NOVA1: variants seen among roughly 807,000 people sequenced by gnomAD.
NOVA1 encodes NOVA alternative splicing regulator 1.
In NOVA1, 7 loss-of-function variants were observed where a neutral mutation model predicts 38.0. That is an observed-to-expected ratio of 0.18 (90% CI 0.10 to 0.35). The LOEUF (loss-of-function observed/expected upper bound fraction) is 0.35. NOVA1 is among the 10% of genes least tolerant of loss of function. NOVA1 has a pLI of 1.00. For synonymous variants in NOVA1, 270 were observed against 232.5 expected (o/e 1.16, Z -1.47); for missense variants, 460 against 616.0 (o/e 0.75, Z 2.68).
chr14:26,498,885 C>T (rs1887036265), intron 2 of NOVA1, among the ~76,000 whole-genome samples: 1 of 152,106 alleles, frequency 6.6e-6, no homozygotes, highest in Non-Finnish European at 1.5e-5. Context: ...CTGCCATTTG[C>T]CACAACTTGG....
intron 4 of NOVA1, 155 bp downstream of exon 4, chr14:26,472,165 A>T: frequency 1.8e-6 from 1 of 547,892 alleles, no homozygotes; most frequent in Non-Finnish European, 3.4e-6. Flanking sequence ...AATTTTAGAA[A>T]TAATTGATAT....
At chr14:26,452,515 A>G (rs1288380318) in intron 4 of NOVA1, among the ~76,000 whole-genome samples, 1 of 152,222 alleles carries the variant, frequency 6.6e-6, no homozygotes, top group African/African-American at 2.4e-5. Flanking sequence ...CATTTACCAA[A>G]GCAAATGTCT....
chr14:26,584,895 T>G (rs949534898), intron 2 of NOVA1, among the ~76,000 whole-genome samples: 3 of 151,456 alleles, frequency 2.0e-5, no homozygotes, highest in African/African-American at 7.3e-5. Flanking sequence ...TCTAAGATTT[T>G]AGGGCATTGT....
At chr14:26,475,599 A>G (rs1436905657) in intron 3 of NOVA1, among the ~76,000 whole-genome samples, 3 of 152,186 alleles carry the variant, frequency 2.0e-5, no homozygotes, top group Non-Finnish European at 4.4e-5. Flanking sequence ...TTCAAACGGA[A>G]AAGCATAATA....
At chr14:26,597,231 ACGGCGAGGGAGGGAGGCAGGGGCGGG>A (rs1284309757) in intron 1 of NOVA1, 44 bp downstream of exon 1, 1 of 967,322 alleles carries the variant, frequency 1.0e-6, no homozygotes, top group Non-Finnish European at 1.2e-6. Flanking sequence ...GGGAGGGAGG[ACGGCGAGGGAGGGAGGCAGGGGCGGG>A]CGGCGGGGGA....
At chr14:26,524,694 C>T (rs183724324) in intron 2 of NOVA1, among the ~76,000 whole-genome samples, 10 of 152,212 alleles carry the variant, frequency 6.6e-5, no homozygotes, top group African/African-American at 2.4e-4. Flanking sequence ...TCTTCCCATG[C>T]AAAATGTGAA....
Position 26,528,164 on chromosome 14 carries a change from T to C in NOVA1, c.281-48021A>G, listed in dbSNP as rs1889435133. ...TTTCTCACACCACTTCCTCACATAC[T>C]GTATCCCTGGAAAATCAGGGTGCTG... On this transcript the variant is annotated intron_variant, in intron 2 of 4. Transcript: ENST00000539517. 3.9e-5 allele frequency among the ~76,000 whole-genome samples: 6 copies of C among 152,178 alleles called. 1 individual carries two copies. The South Asian group carries it at 1.2e-3, about 31-fold the overall frequency.
At chr14:26,491,330 T>C (rs902406981) in intron 2 of NOVA1, among the ~76,000 whole-genome samples, 4 of 152,282 alleles carry the variant, frequency 2.6e-5, no homozygotes, top group African/African-American at 7.2e-5. Context: ...GAGTTGTTTA[T>C]ATATTCTGGA....
Position 26,448,134 on chromosome 14 carries a change from A to G in NOVA1, c.1349T>C (p.Leu450Ser). The G allele has an allele frequency of 6.2e-7, 1 of 1,614,160 alleles. No homozygotes were observed. Among genetic ancestry groups the G allele is most frequent in the Non-Finnish European group, 8.5e-7 (1 of 1,180,016 alleles). The change falls in exon 5 of 5, where the codon TTG (leucine) becomes TCG (serine). Residue 450 changes from leucine (L) to serine (S), a missense_variant. Leu to Ser is a moderately radical substitution (Grantham distance 145). Transcript: ENST00000539517. The surrounding 1 kb of genome is among the most constrained non-coding windows in gnomAD (Gnocchi z 5.3). Reference protein sequence around the residue: ...GGKTLVEYQELTGARIQISKK... With the variant: ...GGKTLVEYQESTGARIQISKK... ...GGAGATCTGTATCCTTGCACCAGTC[A>G]ACTCCTGGTATTCCACTAATGTTTT...
intron 2 of NOVA1, among the ~76,000 whole-genome samples, chr14:26,574,259 C>T (rs1485668666): frequency 1.8e-5 from 2 of 110,982 alleles, no homozygotes; most frequent in African/African-American, 9.2e-5. Context: ...CTCCTGACCT[C>T]GTGATCCACC....
At chr14:26,514,400 T>C (rs1365784671) in intron 2 of NOVA1, among the ~76,000 whole-genome samples, 1 of 151,812 alleles carries the variant, frequency 6.6e-6, no homozygotes, top group African/African-American at 2.4e-5. Context: ...TTAATATGAA[T>C]GTTAATATTT....
At chr14:26,534,350 G>A (rs1190666344) in intron 2 of NOVA1, among the ~76,000 whole-genome samples, 1 of 151,954 alleles carries the variant, frequency 6.6e-6, no homozygotes, top group Non-Finnish European at 1.5e-5. Flanking sequence ...TAAAGAGCAA[G>A]AAACAAATTA....
intron 2 of NOVA1, among the ~76,000 whole-genome samples, chr14:26,573,440 G>A (rs1024606057): frequency 2.6e-5 from 4 of 152,002 alleles, no homozygotes; most frequent in African/African-American, 7.2e-5. Context: ...AAAGGATTTA[G>A]CTTTTGGTAA....
intron 4 of NOVA1, among the ~76,000 whole-genome samples, chr14:26,460,123 GCTTT>G (rs548476351): frequency 1.7e-3 from 259 of 151,830 alleles, no homozygotes; most frequent in African/African-American, 5.6e-3. Flanking sequence ...GCAGTATTTG[GCTTT>G]CTGTTTCTGC....
chr14:26,534,000 G>T (rs749369259), intron 2 of NOVA1, among the ~76,000 whole-genome samples: 1 of 152,134 alleles, frequency 6.6e-6, no homozygotes, highest in Non-Finnish European at 1.5e-5. Flanking sequence ...GAATTTTCAT[G>T]CTACAAAAAG....
chr14:26,460,336 C>T (rs976758407), intron 4 of NOVA1, among the ~76,000 whole-genome samples: 2 of 151,882 alleles, frequency 1.3e-5, no homozygotes, highest in Non-Finnish European at 2.9e-5. Context: ...TACTGAAACA[C>T]ATCTGCCATT....
At chr14:26,531,437 G>A (rs1385709897) in intron 2 of NOVA1, among the ~76,000 whole-genome samples, 3 of 151,966 alleles carry the variant, frequency 2.0e-5, no homozygotes, top group African/African-American at 4.8e-5. Context: ...AACAAACCCC[G>A]TCTCTACTAA....
chr14:26,493,079 A>G (rs1026178018), intron 2 of NOVA1, among the ~76,000 whole-genome samples: 1 of 152,208 alleles, frequency 6.6e-6, no homozygotes, highest in African/African-American at 2.4e-5. Flanking sequence ...TTTGCTAAAA[A>G]TTATTTTTGT....
Position 26,597,718 on chromosome 14 carries a change from A to G in NOVA1, c.-282T>C, listed in dbSNP as rs1894298835. On this transcript the variant is annotated 5_prime_UTR_variant, in exon 1 of 5. Coordinates refer to ENST00000539517, the MANE Select transcript of NOVA1 (RefSeq NM_002515.3). ...AGAGACGGAGGGTGAAAGAAGAAGA[A>G]GAAAGGAGACAGGGGGAGAGAGTGG... 9.2e-7 allele frequency: 1 copy of G among 1,088,024 alleles called. No individual in the cohort carries two copies. Among genetic ancestry groups the G allele is most frequent in the East Asian group, 5.5e-5 (1 of 18,144 alleles). The allele number at this position is 1,088,024 out of a possible 1,614,324, so 67.4% of individuals were successfully genotyped here.
Sources: allele counts gnomAD v4.1 joint callset (sites outside exome capture counted in the v4.1 genomes callset), GRCh38; gene constraint gnomAD v4.1.1; non-coding constraint Gnocchi (gnomAD v3.1); transcripts MANE v1.5; gene names NCBI Gene and HGNC (gene_info 2026-07-23, HGNC 2026-07-21).